Variants in ZNF600 observed in about 807,000 individuals in gnomAD.
ZNF600 encodes zinc finger protein KR-ZNF1.
A neutral mutation model predicts 7.3 loss-of-function variants in ZNF600; 4 were observed. The ratio of observed to expected loss-of-function variants is 0.55; its 90% CI spans 0.27 to 1.25. The LOEUF is 1.25. ZNF600 is among the 50% of genes most tolerant of loss of function. The probability of loss-of-function intolerance (pLI) is 0.12; values close to 1 mark genes in which losing one functional copy is unlikely to be tolerated. For synonymous variants in ZNF600, 290 were observed against 308.9 expected (o/e 0.94, Z 0.64); for missense variants, 911 against 922.1 (o/e 0.99, Z 0.16).
chr19:52,775,475 G>T (rs528684452), intron 2 of ZNF600, among the ~76,000 whole-genome samples: 1 of 149,840 alleles, frequency 6.7e-6, no homozygotes, highest in East Asian at 2.0e-4. Flanking sequence ...GCATGAATCC[G>T]AGAGGTGGAG....
exon 4 of ZNF600, chr19:52,767,757 C>T (rs749769400): frequency 1.3e-5 from 20 of 1,569,236 alleles, no homozygotes; most frequent in Admixed American, 3.9e-5. Flanking sequence ...CTTCATCATG[C>T]GTTTGGAAGA....
chr19:52,792,489 G>T, the ZNF600 span, among the ~76,000 whole-genome samples: 1 of 152,192 alleles, frequency 6.6e-6, no homozygotes, highest in East Asian at 2.0e-4. Context: ...GTGGGAGGCT[G>T]ATGCAGTGAG....
At chr19:52,808,161 TGG>T in the ZNF600 span, 3 of 1,611,164 alleles carry the variant, frequency 1.9e-6, no homozygotes, top group Middle Eastern at 1.7e-4. Context: ...TTTAACCAAA[TGG>T]TTATGGTGGA....
At chr19:52,813,249 GAAAAAAAAA>G in the ZNF600 span, among the ~76,000 whole-genome samples, 6 of 62,988 alleles carry the variant, frequency 9.5e-5, no homozygotes, top group South Asian at 9.7e-4. Flanking sequence ...CTTGAATGGT[GAAAAAAAAA>G]AAAAAAAAAA....
the ZNF600 span, chr19:52,798,620 TG>T: frequency 2.4e-6 from 1 of 415,446 alleles, no homozygotes; most frequent in Non-Finnish European, 5.1e-6. Flanking sequence ...CTCTCCTGTA[TG>T]AATCCTCCTA....
the ZNF600 span, chr19:52,800,498 A>AT: frequency 6.2e-7 from 1 of 1,613,626 alleles, no homozygotes. Flanking sequence ...TTGATTGTTG[A>AT]TTAAAAACCT....
At chr19:52,797,179 A>G in the ZNF600 span, among the ~76,000 whole-genome samples, 1 of 152,256 alleles carries the variant, frequency 6.6e-6, no homozygotes, top group South Asian at 2.1e-4. Flanking sequence ...ACAAAATTCA[A>G]CATCATCATG....
the ZNF600 span, among the ~76,000 whole-genome samples, chr19:52,828,282 C>T: frequency 6.6e-6 from 1 of 151,940 alleles, no homozygotes; most frequent in Non-Finnish European, 1.5e-5. Context: ...GAACTCCTGA[C>T]CTCAAGTGAT....
At chr19:52,767,163 A>C (rs1180434769) in exon 4 of ZNF600, 1 of 1,614,030 alleles carries the variant, frequency 6.2e-7, no homozygotes, top group East Asian at 2.2e-5. Context: ...GTGATTAAAG[A>C]GCTTGCCACA....
the ZNF600 span, chr19:52,800,206 C>T: frequency 1.4e-3 from 2,269 of 1,613,636 alleles, 54 homozygotes; most frequent in East Asian, 0.044. Flanking sequence ...GGTTTCTCTG[C>T]AGTATGAAGT....
chr19:52,813,249 G>GATAAAAAAAAAAA, the ZNF600 span, among the ~76,000 whole-genome samples: 1 of 62,984 alleles, frequency 1.6e-5, no homozygotes, highest in East Asian at 8.2e-4. Context: ...CTTGAATGGT[G>GATAAAAAAAAAAA]AAAAAAAAAA....
chr19:52,800,323 A>C, the ZNF600 span: 1 of 1,613,480 alleles, frequency 6.2e-7, no homozygotes, highest in Non-Finnish European at 8.5e-7. Context: ...GTAAGGCATG[A>C]ATCACTCCGG....
rs529978647 is a variant in ZNF600, at chr19:52,778,883, T to C, written c.6A>G (p.Leu2=). 1.9e-6 allele frequency: 3 copies of C among 1,604,408 alleles called. No homozygotes were observed. The African/African-American group carries it at 4.0e-5, about 22-fold the overall frequency. The change falls in exon 2 of 4, where the codon TTA becomes TTG. Residue 2 remains leucine (L), a synonymous_variant. Coordinates refer to ENST00000648973, the Ensembl canonical transcript of ZNF600. Reference sequence around the variant, plus strand: ...TCCTCTTCTGAGCTGCTTCTTCACATAACATGAGTCTTTAGGAATCAATCC... The same window carrying C: ...TCCTCTTCTGAGCTGCTTCTTCACACAACATGAGTCTTTAGGAATCAATCC...
At chr19:52,781,206 G>A (rs1049308334) in intron 1 of ZNF600, 111 bp downstream of exon 2, 2 of 149,752 alleles carry the variant, frequency 1.3e-5, no homozygotes, top group Non-Finnish European at 3.0e-5. Context: ...TTTAAAATTC[G>A]AGTTAAAACT....
chr19:52,790,019 G>A (rs1415611172), upstream of ZNF600, among the ~76,000 whole-genome samples: 1 of 152,180 alleles, frequency 6.6e-6, no homozygotes, highest in Non-Finnish European at 1.5e-5. Flanking sequence ...GGATGAGCCA[G>A]GAGAAGGAAT....
chr19:52,792,400 G>A, the ZNF600 span, among the ~76,000 whole-genome samples: 1 of 152,062 alleles, frequency 6.6e-6, no homozygotes, highest in South Asian at 2.1e-4. Context: ...ATGCATGTCT[G>A]AGTGCCTCAT....
At chr19:52,796,938 T>C in the ZNF600 span, among the ~76,000 whole-genome samples, 1 of 152,190 alleles carries the variant, frequency 6.6e-6, no homozygotes, top group Admixed American at 6.5e-5. Flanking sequence ...AAATGTGACA[T>C]CATGCACAAT....
the ZNF600 span, among the ~76,000 whole-genome samples, chr19:52,815,113 A>G: frequency 2.1e-5 from 3 of 144,292 alleles, no homozygotes; most frequent in South Asian, 6.9e-4. Flanking sequence ...ATATATATAT[A>G]TAAAGGTTTT....
rs1225824953 is a variant in ZNF600 at position 52,780,682 on chromosome 19, C to G, written c.-19-1775G>C. 1 of 152,088 alleles carries G rather than the reference C, an allele frequency of 6.6e-6. No individual in the cohort carries two copies. Among genetic ancestry groups the G allele is most frequent in the African/African-American group, 2.4e-5 (1 of 41,396 alleles). 9.4% of individuals were successfully genotyped at this position (152,088 alleles called of 1,614,324 possible). A position where few individuals can be genotyped will look rare whatever the true frequency, so the allele number is the denominator to read the frequency against. ...GTCAGAGGTTGCAGTGAGCTGATATCATGGCATTGCACTCCAGCCTCAGCC... is the reference window on the plus strand; with the variant it reads ...GTCAGAGGTTGCAGTGAGCTGATATGATGGCATTGCACTCCAGCCTCAGCC... On this transcript the variant is annotated intron_variant, in intron 1 of 3. The change abolishes an upstream ATG in the 5' untranslated region. Coordinates refer to ENST00000648973, the Ensembl canonical transcript of ZNF600.
Sources: allele counts gnomAD v4.1 joint callset (sites outside exome capture counted in the v4.1 genomes callset), GRCh38; gene constraint gnomAD v4.1.1; transcripts MANE v1.5; gene names NCBI Gene and HGNC (gene_info 2026-07-23, HGNC 2026-07-21).